The following TLN2 variants were observed in gnomAD, a reference collection of about 807,000 sequenced individuals.
TLN2 encodes talin 2, also known as talin-2.
In TLN2, 118 loss-of-function variants were observed where a neutral mutation model predicts 294.7. That is an observed-to-expected ratio of 0.40 (90% CI 0.34 to 0.47). TLN2 has a LOEUF of 0.47. Among genes scored for constraint, TLN2 ranks in the 20% least tolerant of loss-of-function variants. TLN2 has a pLI of 0.84. For missense variants in TLN2, 3,083 were observed against 3,282.2 expected (o/e 0.94, Z 1.48); for synonymous variants, 1,431 against 1,304.5 (o/e 1.10, Z -2.09).
intron 1 of TLN2, among the ~76,000 whole-genome samples, chr15:62,397,718 C>T (rs1205569886): frequency 1.3e-5 from 2 of 152,186 alleles, no homozygotes; most frequent in African/African-American, 4.8e-5. Flanking sequence ...TGGAAATCAC[C>T]TGCAGGGCTT....
chr15:62,563,478 A>G (rs900504735), intron 1 of TLN2, among the ~76,000 whole-genome samples: 2 of 151,918 alleles, frequency 1.3e-5, no homozygotes, highest in African/African-American at 4.8e-5. Flanking sequence ...TTTGTTGTAG[A>G]TTCTGGTTTT....
intron 3 of TLN2, among the ~76,000 whole-genome samples, chr15:62,621,205 T>G (rs1486250665): frequency 6.6e-6 from 1 of 152,182 alleles, no homozygotes; most frequent in Non-Finnish European, 1.5e-5. Context: ...GTATTATATT[T>G]ATTTGTTTAC....
intron 28 of TLN2, among the ~76,000 whole-genome samples, chr15:62,727,493 A>G (rs2060502743): frequency 6.6e-6 from 1 of 152,246 alleles, no homozygotes; most frequent in Non-Finnish European, 1.5e-5. Flanking sequence ...GCATAAAAAA[A>G]GGTTAAAGAG....
At chr15:62,702,483 T>C (rs541743586) in intron 18 of TLN2, among the ~76,000 whole-genome samples, 10 of 152,248 alleles carry the variant, frequency 6.6e-5, no homozygotes, top group Non-Finnish European at 1.3e-4. Context: ...AATAGAAGTT[T>C]GCACCCTAAT....
chr15:62,840,120 CTTCAGAT>C (rs1423079002), intron 58 of TLN2, among the ~76,000 whole-genome samples: 1 of 152,178 alleles, frequency 6.6e-6, no homozygotes, highest in Non-Finnish European at 1.5e-5. Context: ...CATTGCTCAG[CTTCAGAT>C]TTCTTCTTGG....
At chr15:62,744,319 T>A (rs2061493099) in intron 32 of TLN2, among the ~76,000 whole-genome samples, 1 of 152,138 alleles carries the variant, frequency 6.6e-6, no homozygotes, top group African/African-American at 2.4e-5. Flanking sequence ...TTGTACCTTG[T>A]CTTCTCATTG....
chr15:62,486,506 T>C (rs1268052059), intron 1 of TLN2, among the ~76,000 whole-genome samples: 1 of 136,668 alleles, frequency 7.3e-6, no homozygotes, highest in African/African-American at 2.8e-5. Flanking sequence ...TTTAAAAAAA[T>C]ACAGGTTGGC....
rs567389469 is a variant in TLN2, at chr15:62,725,351, T to A, written c.3255+247T>A. Among the ~76,000 whole-genome samples, 60 of 152,160 alleles carry A rather than the reference T, an allele frequency of 3.9e-4. 1 individual carries two copies. The highest frequency in any genetic ancestry group is 7.4e-4 in the Non-Finnish European group (50 of 68,024). ...TCCCATATCTCCTCTATGTCTGAAG[T>A]ATTTTATTTACGAAGTGGGTAGCAA... is the stretch of plus-strand genomic sequence containing the variant. On this transcript the variant is annotated intron_variant, in intron 27 of 58. Coordinates refer to ENST00000636159, the MANE Select transcript of TLN2 (RefSeq NM_015059.3).
chr15:62,622,842 T>A (rs2048949310), intron 3 of TLN2, among the ~76,000 whole-genome samples: 1 of 152,096 alleles, frequency 6.6e-6, no homozygotes, highest in African/African-American at 2.4e-5. Flanking sequence ...TAAGATGGAG[T>A]TTGGGTTTCT....
chr15:62,728,321 A>G (rs771015267), intron 28 of TLN2, among the ~76,000 whole-genome samples: 8 of 152,100 alleles, frequency 5.3e-5, no homozygotes, highest in Non-Finnish European at 8.8e-5. Flanking sequence ...TTGCATTTCC[A>G]TTATCTCTAT....
chr15:62,686,581 C>T, intron 11 of TLN2, 60 bp from the exon 12 acceptor site: 1 of 1,545,508 alleles, frequency 6.5e-7, no homozygotes, highest in Non-Finnish European at 8.7e-7. Flanking sequence ...TCACTGATTC[C>T]CTGGCAAAGT....
At chr15:62,785,185 A>G (rs1477836544) in intron 45 of TLN2, among the ~76,000 whole-genome samples, 6 of 152,186 alleles carry the variant, frequency 3.9e-5, no homozygotes, top group African/African-American at 1.4e-4. Context: ...AAGAAAAGAG[A>G]GTTATCAGAT....
chr15:62,429,167 GC>G (rs2034880276), intron 1 of TLN2, among the ~76,000 whole-genome samples: 1 of 151,586 alleles, frequency 6.6e-6, no homozygotes, highest in African/African-American at 2.4e-5. Context: ...AATCACTCAA[GC>G]GGGGTGCAGT....
At position 62,696,507 on chromosome 15, in the gene TLN2, G is replaced by C. The variant is rs143223966; in HGVS notation, c.1293-1181G>C. ...GGTTCACCTGAGGTCAGGAGTTCAA[G>C]ACCAGCCTGGCTAATATGGTGAAAC... On this transcript the variant is annotated intron_variant, in intron 14 of 58. Transcript: ENST00000636159. Among the ~76,000 whole-genome samples, 326 of 152,286 alleles carry C rather than the reference G, an allele frequency of 2.1e-3. 2 individuals are homozygous for C. Among genetic ancestry groups the C allele is most frequent in the African/African-American group, 7.6e-3 (316 of 41,548 alleles).
chr15:62,478,231 C>T (rs1291838524), intron 1 of TLN2, among the ~76,000 whole-genome samples: 3 of 152,198 alleles, frequency 2.0e-5, no homozygotes, highest in Non-Finnish European at 4.4e-5. Context: ...CCAGCCTGGA[C>T]TATCAGACCT....
At chr15:62,646,205 C>G (rs973600480) in intron 3 of TLN2, among the ~76,000 whole-genome samples, 9 of 151,672 alleles carry the variant, frequency 5.9e-5, no homozygotes, top group Non-Finnish European at 1.2e-4. Flanking sequence ...CTCTGTTGCC[C>G]AGGCTGGAGT....
At chr15:62,546,890 C>T (rs1012848545) in intron 1 of TLN2, among the ~76,000 whole-genome samples, 1 of 152,210 alleles carries the variant, frequency 6.6e-6, no homozygotes, top group African/African-American at 2.4e-5. Flanking sequence ...AGGCATGCTG[C>T]ATTTCTGTTG....
intron 3 of TLN2, among the ~76,000 whole-genome samples, chr15:62,643,628 G>C (rs1454211284): frequency 1.3e-5 from 2 of 151,890 alleles, no homozygotes; most frequent in Non-Finnish European, 2.9e-5. Context: ...GGATCCAACG[G>C]GTATAGTTGG....
intron 1 of TLN2, among the ~76,000 whole-genome samples, chr15:62,463,531 A>C (rs1441006744): frequency 6.6e-6 from 1 of 152,166 alleles, no homozygotes; most frequent in South Asian, 2.1e-4. Context: ...AATCTGGAGA[A>C]ATGTAAATGA....
Sources: gnomAD v4.1 joint callset for allele counts (sites outside exome capture counted in the v4.1 genomes callset) on GRCh38, gnomAD v4.1.1 for gene constraint, MANE v1.5 for transcripts, NCBI Gene and HGNC (gene_info 2026-07-23, HGNC 2026-07-21) for gene names.